Variants in UNC5A observed in about 807,000 individuals in gnomAD.
UNC5A encodes netrin receptor UNC5A.
UNC5A carries 20 observed loss-of-function variants against 87.4 expected under a neutral mutation model. That is an observed-to-expected ratio of 0.23 (90% confidence interval 0.16 to 0.33). The LOEUF is 0.33. UNC5A is among the 10% of genes least tolerant of loss of function. The pLI is 1.00. For missense variants in UNC5A, 844 were observed against 1,133.4 expected, an observed-to-expected ratio of 0.74 and a Z score of 3.67; for synonymous variants, 438 against 482.3, an observed-to-expected ratio of 0.91 and a Z score of 1.20.
At position 176,811,616 on chromosome 5, in the gene UNC5A, G is replaced by A. The variant is rs375045204; in HGVS notation, c.70+796G>A. 5.1e-4 allele frequency among the ~76,000 whole-genome samples: 77 copies of A among 152,280 alleles called. 1 individual carries two copies. The highest frequency in any genetic ancestry group is 6.8e-3 in the Middle Eastern group (2 of 294). On this transcript the variant is annotated intron_variant, in intron 1 of 14. Transcript: ENST00000329542. ...CCTCATTCCCTTGGGAGGGGCTTGG[G>A]GGGAGGAAGTTCCCCTGCATCCTTT...
chr5:176,870,294 G>A lies in UNC5A; in HGVS notation c.722-76G>A, dbSNP rs898610272. 7 of 1,554,352 alleles carry A rather than the reference G, an allele frequency of 4.5e-6. No individual in the cohort carries two copies. In the East Asian group the frequency reaches 1.6e-4, roughly 36 times the overall value. ...CACTGCCTGGTCTGGTTGCCCAGAG[G>A]GGCCACACTGGCAGACTGCCGGGGT... On this transcript the variant is annotated intron_variant, in intron 5 of 14. Coordinates refer to ENST00000329542, the MANE Select transcript of UNC5A (RefSeq NM_133369.3).
intron 1 of UNC5A, among the ~76,000 whole-genome samples, chr5:176,836,037 C>G (rs1036695352): frequency 6.6e-6 from 1 of 152,140 alleles, no homozygotes; most frequent in Non-Finnish European, 1.5e-5. Context: ...GCAGTTAAAT[C>G]GAAACTCTCC....
intron 1 of UNC5A, among the ~76,000 whole-genome samples, chr5:176,854,621 G>A (rs1295446298): frequency 6.6e-6 from 1 of 152,228 alleles, no homozygotes; most frequent in East Asian, 1.9e-4. Flanking sequence ...TTCATTGGTT[G>A]ATTGGAAGGT....
chr5:176,829,131 CAAAAAAA>C (rs70991572), intron 1 of UNC5A, among the ~76,000 whole-genome samples: 1 of 89,236 alleles, frequency 1.1e-5, no homozygotes, highest in African/African-American at 5.0e-5. Context: ...GACTCCATCT[CAAAAAAA>C]AAAAAAAAAA....
At chr5:176,813,790 G>A (rs553502517) in intron 1 of UNC5A, among the ~76,000 whole-genome samples, 1 of 152,352 alleles carries the variant, frequency 6.6e-6, no homozygotes, top group South Asian at 2.1e-4. Flanking sequence ...GGAGCTCCGA[G>A]GCTTCACAAG....
At chr5:176,818,944 C>A (rs1403086721) in intron 1 of UNC5A, among the ~76,000 whole-genome samples, 1 of 152,204 alleles carries the variant, frequency 6.6e-6, no homozygotes, top group African/African-American at 2.4e-5. Context: ...AGCTTTAAGC[C>A]AAAGGGACTT....
chr5:176,815,018 T>C (rs1346464217), intron 1 of UNC5A, among the ~76,000 whole-genome samples: 2 of 152,124 alleles, frequency 1.3e-5, no homozygotes, highest in Non-Finnish European at 2.9e-5. Flanking sequence ...GAGGATGCTG[T>C]GCCCCAGCCA....
chr5:176,823,042 G>A (rs1756766741), intron 1 of UNC5A, among the ~76,000 whole-genome samples: 1 of 152,102 alleles, frequency 6.6e-6, no homozygotes, highest in Non-Finnish European at 1.5e-5. Flanking sequence ...CAGCCGGGAG[G>A]CTGCCGTGGT....
rs1392853915 is a variant in UNC5A, at chr5:176,880,421, C to G, written c.*535C>G. ...CACACGACCACCACACGAGCACGTG[C>G]CACGCATGCCTCGTGTGCTCATCTC... is the stretch of plus-strand genomic sequence containing the variant. On this transcript the variant is annotated 3_prime_UTR_variant, in exon 15 of 15. Coordinates refer to ENST00000329542, the MANE Select transcript of UNC5A (RefSeq NM_133369.3). 2.6e-5 allele frequency: 4 copies of G among 154,580 alleles called. No homozygotes were observed. The highest frequency in any genetic ancestry group is 9.6e-5 in the African/African-American group (4 of 41,462). 9.6% of individuals were successfully genotyped at this position (154,580 alleles called of 1,614,324 possible).
chr5:176,816,584 G>A (rs1756593714), intron 1 of UNC5A, among the ~76,000 whole-genome samples: 1 of 152,298 alleles, frequency 6.6e-6, no homozygotes, highest in Non-Finnish European at 1.5e-5. Flanking sequence ...CAGGTGCCTA[G>A]GCACAAAGGT....
In UNC5A at chr5:176,877,748, A is replaced by C. The variant is rs1481484343; in HGVS notation, c.1635+45A>C. 1.9e-6 allele frequency: 3 copies of C among 1,551,100 alleles called. No homozygotes were observed. The East Asian group carries it at 6.9e-5, about 36-fold the overall frequency. ...GGGCTCCAGAAGGGAACGTGGGCTA[A>C]CTGCACGCTCCACCCGGCCTTCCAC... On this transcript the variant is annotated intron_variant, in intron 10 of 14. Transcript: ENST00000329542.
At position 176,839,807 on chromosome 5, in the gene UNC5A, CTTTTTTTTTTT is replaced by C. The variant is rs58515865; in HGVS notation, c.71-22801_71-22791del. Among the ~76,000 whole-genome samples the C allele has an allele frequency of 6.9e-4, 86 of 123,882 alleles. 1 individual carries two copies. Among genetic ancestry groups the C allele is most frequent in the East Asian group, 6.6e-4 (3 of 4,518 alleles). The allele number at this position is 123,882 out of a possible 152,430, so 81.3% of individuals were successfully genotyped here. Reference sequence around the variant, plus strand: ...CCCACTGTGGCTTCACGGCCACTTCCTTTTTTTTTTTTTTTTTTTTTTTTTTCTTGACAGAG... The same window carrying C: ...CCCACTGTGGCTTCACGGCCACTTCCTTTTTTTTTTTTTTTCTTGACAGAG... On this transcript the variant is annotated intron_variant, in intron 1 of 14. Transcript: ENST00000329542.
At chr5:176,840,508 A>ATCTC (rs1757249096) in intron 1 of UNC5A, among the ~76,000 whole-genome samples, 1 of 152,190 alleles carries the variant, frequency 6.6e-6, no homozygotes, top group Admixed American at 6.5e-5. Flanking sequence ...GGGTGACCAC[A>ATCTC]TCTCTATCTC....
Position 176,844,441 on chromosome 5 carries a change from G to A in UNC5A, c.71-18183G>A, listed in dbSNP as rs1052963911. 2.6e-5 allele frequency among the ~76,000 whole-genome samples: 4 copies of A among 152,066 alleles called. No homozygotes were observed. The highest frequency in any genetic ancestry group is 2.1e-4 in the South Asian group (1 of 4,822). ...CCAGGGGAAGTTTATGTCCACCCAC[G>A]GTGTCCCAGCTGAGCGAGAAGGGAC... is the stretch of plus-strand genomic sequence containing the variant. On this transcript the variant is annotated intron_variant, in intron 1 of 14. Coordinates refer to ENST00000329542, the MANE Select transcript of UNC5A (RefSeq NM_133369.3). The surrounding 1 kb of genome is among the most constrained non-coding windows in gnomAD (Gnocchi z 4.2).
chr5:176,818,300 G>A (rs1343271276), intron 1 of UNC5A, among the ~76,000 whole-genome samples: 1 of 152,244 alleles, frequency 6.6e-6, no homozygotes, highest in East Asian at 1.9e-4. Context: ...CCGTTTTACA[G>A]ATGAGGCCGA....
chr5:176,862,817 G>A lies in UNC5A; in HGVS notation c.264G>A (p.Val88=), dbSNP rs690832. ...AGTGGGTGCGCCAGGTGGACCACGT[G>A]ATCGAGCGCAGCACAGACGGGAGCA... is the stretch of plus-strand genomic sequence containing the variant. The part of the protein sequence containing the change: ...NGEWVRQVDH[V]IERSTDGSSG... The change falls in exon 2 of 15, where the codon GTG becomes GTA. Residue 88 remains valine (V), a synonymous_variant. Coordinates refer to ENST00000329542, the MANE Select transcript of UNC5A (RefSeq NM_133369.3). 1,408 of 1,613,222 alleles carry A rather than the reference G, an allele frequency of 8.7e-4. 6 individuals are homozygous for A. In the African/African-American group the frequency reaches 0.016, roughly 19 times the overall value.
At position 176,879,785 on chromosome 5, in the gene UNC5A, C is replaced by T. The variant is rs139125725; in HGVS notation, c.2428C>T (p.Arg810Trp). ...CATGATCCTCAACCTGTGGGAGGCG[C>T]GGCACTTCCCCAACGGCAACCTCAG... ...TAMILNLWEA[R>W]HFPNGNLSQL... is the part of the protein sequence containing the mutation. Residue 810 changes from arginine to tryptophan, a missense_variant, in exon 15 of 15, where the codon CGG becomes TGG. Around this residue, in one of 3 missense-constraint regions of UNC5A, gnomAD observed 177 missense variants for 279.4 expected, o/e 0.63. Coordinates refer to ENST00000329542, the MANE Select transcript of UNC5A (RefSeq NM_133369.3). 6.8e-6 allele frequency: 11 copies of T among 1,613,350 alleles called. No homozygotes were observed. Among genetic ancestry groups the T allele is most frequent in the Admixed American group, 1.7e-5 (1 of 60,004 alleles).
At chr5:176,842,029 C>T (rs1012966235) in intron 1 of UNC5A, among the ~76,000 whole-genome samples, 1 of 152,142 alleles carries the variant, frequency 6.6e-6, no homozygotes, top group African/African-American at 2.4e-5. Context: ...AACCCCGTTT[C>T]TACTAAAAAT....
At chr5:176,813,773 G>A (rs79642786) in intron 1 of UNC5A, among the ~76,000 whole-genome samples, 4,948 of 152,300 alleles carry the variant, frequency 0.032, 201 homozygotes, top group African/African-American at 0.094. Context: ...GCCCAGACCC[G>A]CAGGCTGGAG....
Sources: gnomAD v4.1 joint callset for allele counts (sites outside exome capture counted in the v4.1 genomes callset) on GRCh38, gnomAD v4.1.1 for gene constraint, gnomAD v4.1.1 regional missense constraint, Gnocchi (gnomAD v3.1) non-coding constraint, MANE v1.5 for transcripts, NCBI Gene and HGNC (gene_info 2026-07-23, HGNC 2026-07-21) for gene names.